The following MACROD1 variants were observed in gnomAD, a reference collection of about 807,000 sequenced individuals.
MACROD1 encodes the protein ADP-ribose glycohydrolase MACROD1.
Under a neutral mutation model 41.4 loss-of-function variants are expected in MACROD1, and 31 were observed. That is an observed-to-expected ratio of 0.75 (90% CI 0.56 to 1.01). MACROD1 has a LOEUF of 1.01. Ranked by LOEUF, MACROD1 falls within the 50% of genes least tolerant of loss-of-function variation. The probability of loss-of-function intolerance (pLI) is 0.00; values close to 1 mark genes in which losing one functional copy is unlikely to be tolerated. For missense variants in MACROD1, 473 were observed against 460.0 expected (o/e 1.03, Z -0.26); for synonymous variants, 252 against 203.4 (o/e 1.24, Z -2.03).
At chr11:64,139,694 T>C in intron 3 of MACROD1, among the ~76,000 whole-genome samples, 1 of 150,052 alleles carries the variant, frequency 6.7e-6, no homozygotes, top group South Asian at 2.1e-4. Context: ...CGGTGGCTCA[T>C]GCCTGTAATC....
chr11:64,032,253 G>A (rs1209331272), intron 3 of MACROD1, among the ~76,000 whole-genome samples: 2 of 152,194 alleles, frequency 1.3e-5, no homozygotes, highest in African/African-American at 4.8e-5. Flanking sequence ...GAGTCATATT[G>A]TATACTTTGT....
intron 3 of MACROD1, among the ~76,000 whole-genome samples, chr11:64,062,301 G>A (rs1388604756): frequency 1.3e-5 from 2 of 152,298 alleles, no homozygotes; most frequent in Non-Finnish European, 2.9e-5. Flanking sequence ...CTATCAGTGA[G>A]TGAGTGATGA....
chr11:64,165,750 G>T lies in MACROD1; in HGVS notation c.245C>A (p.Ala82Asp). Residue 82 changes from alanine to aspartate, a missense_variant, in exon 1 of 11, where the codon GCC becomes GAC. Physicochemically the swap from Ala to Asp is moderately radical, Grantham distance 126. Transcript: ENST00000255681. Reference sequence around the variant, plus strand: ...GCTCAGGTCCACCTTCGCCGCCATGGCCAGGGGGGCCCAAGTGCGCACCCC... The same window carrying T: ...GCTCAGGTCCACCTTCGCCGCCATGTCCAGGGGGGCCCAAGTGCGCACCCC... ...TAGVRTWAPLAMAAKVDLSTS... is the reference protein window; with the variant it reads ...TAGVRTWAPLDMAAKVDLSTS... 6.7e-7 allele frequency: 1 copy of T among 1,499,140 alleles called. No homozygotes were observed. The highest frequency in any genetic ancestry group is 2.7e-5 in the East Asian group (1 of 36,836). 92.9% of individuals were successfully genotyped at this position (1,499,140 alleles called of 1,614,324 possible).
chr11:64,024,431 C>T (rs1381990540), intron 3 of MACROD1, among the ~76,000 whole-genome samples: 2 of 152,180 alleles, frequency 1.3e-5, no homozygotes, highest in Non-Finnish European at 2.9e-5. Context: ...GAGTGACTTG[C>T]CCAAGGTCAT....
intron 3 of MACROD1, among the ~76,000 whole-genome samples, chr11:64,121,335 G>C (rs893034037): frequency 7.2e-5 from 11 of 152,236 alleles, no homozygotes; most frequent in African/African-American, 2.7e-4. Context: ...CTGCCTCATC[G>C]TGGGGATCAC....
chr11:64,039,026 C>T lies in MACROD1; in HGVS notation c.518-23745G>A, dbSNP rs1468334531. 2.0e-5 allele frequency among the ~76,000 whole-genome samples: 3 copies of T among 152,312 alleles called. No individual in the cohort carries two copies. The East Asian group carries it at 5.8e-4, about 29-fold the overall frequency. On this transcript the variant is annotated intron_variant, in intron 3 of 10. Transcript: ENST00000255681. ...GTCTACACCCCTCGTTCACTGTGGG[C>T]CAAGGGCTTTCAGCTTCTTCAGGCC... is the stretch of plus-strand genomic sequence containing the variant.
At chr11:64,060,132 T>TA (rs1216616985) in intron 3 of MACROD1, among the ~76,000 whole-genome samples, 1 of 152,366 alleles carries the variant, frequency 6.6e-6, no homozygotes, top group East Asian at 1.9e-4. Flanking sequence ...TTTGTTTAAT[T>TA]AGTGTTCTGT....
At chr11:64,059,059 C>G (rs1308419317) in intron 3 of MACROD1, among the ~76,000 whole-genome samples, 1 of 152,146 alleles carries the variant, frequency 6.6e-6, no homozygotes, top group Non-Finnish European at 1.5e-5. Flanking sequence ...GGATGGGCAC[C>G]CAATTTGCAC....
chr11:64,126,003 C>T (rs759782572), intron 3 of MACROD1, among the ~76,000 whole-genome samples: 2 of 152,158 alleles, frequency 1.3e-5, no homozygotes, highest in African/African-American at 4.8e-5. Flanking sequence ...TGGAGCCAGG[C>T]GGCTCCAGGC....
chr11:64,069,561 C>A (rs2250196), intron 3 of MACROD1, among the ~76,000 whole-genome samples: 9 of 152,142 alleles, frequency 5.9e-5, no homozygotes, highest in African/African-American at 2.2e-4. Context: ...TCTCCCTGCC[C>A]GTGTGGTGCC....
At chr11:64,130,412 G>A (rs879328574) in intron 3 of MACROD1, among the ~76,000 whole-genome samples, 8 of 152,152 alleles carry the variant, frequency 5.3e-5, no homozygotes, top group Non-Finnish European at 1.0e-4. Context: ...CTACCACTGG[G>A]TTCTGGAAGC....
At chr11:64,105,268 T>A (rs924140168) in intron 3 of MACROD1, among the ~76,000 whole-genome samples, 1 of 152,100 alleles carries the variant, frequency 6.6e-6, no homozygotes, top group Non-Finnish European at 1.5e-5. Context: ...GCCCCTCTAG[T>A]CCCTAGGAGG....
At chr11:64,076,830 G>A (rs1360499869) in intron 3 of MACROD1, among the ~76,000 whole-genome samples, 1 of 152,134 alleles carries the variant, frequency 6.6e-6, no homozygotes, top group Non-Finnish European at 1.5e-5. Context: ...GCAGCCCCCC[G>A]GTCCTCCTGC....
chr11:64,116,234 G>A (rs769622159), intron 3 of MACROD1: 15 of 1,573,410 alleles, frequency 9.5e-6, no homozygotes, highest in South Asian at 3.5e-5. Context: ...CAGGCTCCAG[G>A]CCAGGTGGGG....
In MACROD1 at chr11:63,999,694, C is replaced by T. The variant is rs199876740; in HGVS notation, c.734G>A (p.Ser245Asn). The change falls in exon 6 of 11, where the codon AGC becomes AAC. Residue 245 changes from serine (S) to asparagine (N), a missense_variant. Transcript: ENST00000255681. ...PSASQAAELRSCYLSSLDLLL... is the reference protein window; with the variant it reads ...PSASQAAELRNCYLSSLDLLL... ...CAGGTCCAGACTGCTCAGGTAGCAG[C>T]TGCGGAGCTCGGCAGCCTGACTGGC... 5.3e-4 allele frequency: 852 copies of T among 1,609,168 alleles called. No homozygotes were observed. Among genetic ancestry groups the T allele is most frequent in the Non-Finnish European group, 6.8e-4 (802 of 1,179,220 alleles).
intron 3 of MACROD1, chr11:64,138,521 G>C (rs963765131): frequency 1.0e-6 from 1 of 985,394 alleles, no homozygotes; most frequent in Non-Finnish European, 1.2e-6. Context: ...GGGATGTGGC[G>C]TTTGATGATG....
In MACROD1 at chr11:64,152,311, T is replaced by C. The variant is rs780115298; in HGVS notation, c.381A>G (p.Thr127=). ...KDFVRLKKIP[T]WKEMAKGVAV... ...GCCTACCTTTCGCCATCTCCTTCCATGTCGGGATCTTCTTCAGCCTGACAA... is the reference window on the plus strand; with the variant it reads ...GCCTACCTTTCGCCATCTCCTTCCACGTCGGGATCTTCTTCAGCCTGACAA... The change falls in exon 2 of 11, where the codon ACA becomes ACG. Residue 127 remains threonine (T), a synonymous_variant. Transcript: ENST00000255681. The C allele has an allele frequency of 1.2e-6, 2 of 1,614,250 alleles. No homozygotes were observed. The highest frequency in any genetic ancestry group is 1.7e-6 in the Non-Finnish European group (2 of 1,180,040).
chr11:64,117,688 GC>G, intron 3 of MACROD1: 1 of 1,613,632 alleles, frequency 6.2e-7, no homozygotes, highest in Non-Finnish European at 8.5e-7. Flanking sequence ...CTGGGCCACA[GC>G]CCAGCCGTGG....
At chr11:64,022,115 C>T (rs1943165674) in intron 3 of MACROD1, among the ~76,000 whole-genome samples, 2 of 151,698 alleles carry the variant, frequency 1.3e-5, no homozygotes, top group African/African-American at 2.4e-5. Context: ...TGAGGGGGCT[C>T]AGGCAAGAGC....
Sources: allele counts gnomAD v4.1 joint callset (sites outside exome capture counted in the v4.1 genomes callset), GRCh38; gene constraint gnomAD v4.1.1; transcripts MANE v1.5; gene names NCBI Gene and HGNC (gene_info 2026-07-23, HGNC 2026-07-21).